The following CACNA1C variants were observed in gnomAD, a reference collection of about 807,000 sequenced individuals.
CACNA1C encodes voltage-dependent L-type calcium channel subunit alpha-1C.
CACNA1C carries 30 observed loss-of-function variants against 229.0 expected under a neutral mutation model. The ratio of observed to expected loss-of-function variants is 0.13; its 90% CI spans 0.10 to 0.18. CACNA1C has a LOEUF of 0.18. Ranked by LOEUF, CACNA1C falls within the 10% of genes least tolerant of loss-of-function variation. The pLI is 1.00. For missense variants in CACNA1C, 1,658 were observed against 2,845.0 expected, an observed-to-expected ratio of 0.58 and a Z score of 9.49; for synonymous variants, 1,114 against 1,132.5, an observed-to-expected ratio of 0.98 and a Z score of 0.33.
intron 3 of CACNA1C, among the ~76,000 whole-genome samples, chr12:2,264,511 G>T (rs570512977): frequency 6.6e-6 from 1 of 152,284 alleles, no homozygotes; most frequent in South Asian, 2.1e-4. Context: ...CATGACCTAG[G>T]GCAAATCACT....
intron 3 of CACNA1C, among the ~76,000 whole-genome samples, chr12:2,431,850 T>C (rs1414961895): frequency 6.6e-6 from 1 of 152,174 alleles, no homozygotes. Flanking sequence ...TGTAGGGACC[T>C]CCTGGGCACT....
At position 2,108,942 on chromosome 12, in the gene CACNA1C, A is replaced by T. The variant is rs2080401369; in HGVS notation, c.50-6282A>T. On this transcript the variant is annotated intron_variant, in intron 1 of 46. Coordinates refer to ENST00000399655, the MANE Select transcript of CACNA1C (RefSeq NM_000719.7). This position sits in a 1 kb window ranked among gnomAD's most constrained non-coding sequence, Gnocchi z 5.3. ...AGCAAGATGACAGACAGCAAGAGCC[A>T]AGTGGGCTTCTGGGTGACATGTTGG... is the stretch of plus-strand genomic sequence containing the variant. 6.6e-6 allele frequency among the ~76,000 whole-genome samples: 1 copy of T among 152,254 alleles called. No homozygotes were observed. The highest frequency in any genetic ancestry group is 1.9e-4 in the East Asian group (1 of 5,204).
chr12:2,214,059 G>A (rs891788942), intron 3 of CACNA1C, among the ~76,000 whole-genome samples: 2 of 152,212 alleles, frequency 1.3e-5, no homozygotes, highest in East Asian at 3.9e-4. Flanking sequence ...CTGAGAGTCA[G>A]TAACACCACC....
In CACNA1C at chr12:2,113,919, A is replaced by G. The variant is rs560101070; in HGVS notation, c.50-1305A>G. Among the ~76,000 whole-genome samples, 25 of 152,360 alleles carry G rather than the reference A, an allele frequency of 1.6e-4. 1 individual carries two copies. The East Asian group carries it at 3.5e-3, about 21-fold the overall frequency. On this transcript the variant is annotated intron_variant, in intron 1 of 46. Coordinates refer to ENST00000399655, the MANE Select transcript of CACNA1C (RefSeq NM_000719.7). ...CAGAGCAGGGCAGCTGTCCCTGCGC[A>G]GGTTGGAGCCCTGGGTTGCACTGGT...
At chr12:2,517,003 C>T (rs1332486386) in intron 9 of CACNA1C, among the ~76,000 whole-genome samples, 1 of 152,120 alleles carries the variant, frequency 6.6e-6, no homozygotes, top group African/African-American at 2.4e-5. Flanking sequence ...AGGGAAAGAA[C>T]CAGCAAACAG....
chr12:2,378,591 A>C (rs960134015), intron 3 of CACNA1C, among the ~76,000 whole-genome samples: 1 of 152,230 alleles, frequency 6.6e-6, no homozygotes, highest in Non-Finnish European at 1.5e-5. Context: ...ATTTAAAAAC[A>C]ATCATAAAAT....
chr12:2,502,943 T>C lies in CACNA1C; in HGVS notation c.1114-1899T>C, dbSNP rs185480729. 3.9e-5 allele frequency among the ~76,000 whole-genome samples: 6 copies of C among 152,234 alleles called. No individual in the cohort carries two copies. The East Asian group carries it at 1.2e-3, about 29-fold the overall frequency. ...GCAGACTGTGGGCCACCCTGAGATC[T>C]TGGGGGCATGGGGCAGGAATCTGCT... On this transcript the variant is annotated intron_variant, in intron 7 of 46. Transcript: ENST00000399655.
intron 3 of CACNA1C, among the ~76,000 whole-genome samples, chr12:2,220,159 G>A (rs543056673): frequency 1.3e-5 from 2 of 152,306 alleles, no homozygotes; most frequent in South Asian, 4.1e-4. Context: ...TGTACAGAAA[G>A]CATGTATATA....
intron 43 of CACNA1C, among the ~76,000 whole-genome samples, chr12:2,683,439 G>A (rs11062314): frequency 0.15 from 22,629 of 152,154 alleles, 3,209 homozygotes; most frequent in African/African-American, 0.37. Context: ...CAGTGTTTCC[G>A]AAGCTTTTCT....
chr12:2,139,860 G>T (rs1328889555), intron 3 of CACNA1C, among the ~76,000 whole-genome samples: 1 of 151,214 alleles, frequency 6.6e-6, no homozygotes, highest in Non-Finnish European at 1.5e-5. Flanking sequence ...GACACAGCGG[G>T]CCTCATGCGA....
At chr12:2,165,776 G>A (rs995126137) in intron 3 of CACNA1C, among the ~76,000 whole-genome samples, 6 of 152,034 alleles carry the variant, frequency 3.9e-5, no homozygotes, top group Non-Finnish European at 8.8e-5. Flanking sequence ...TCAAGTACTT[G>A]CAAAGGTTTC....
chr12:2,403,202 A>G lies in CACNA1C; in HGVS notation c.478-45774A>G, dbSNP rs1019856030. 6.6e-6 allele frequency among the ~76,000 whole-genome samples: 1 copy of G among 152,168 alleles called. No homozygotes were observed. The highest frequency in any genetic ancestry group is 2.4e-5 in the African/African-American group (1 of 41,426). ...TAACAGCCTTCATTCTTTTCCAACT[A>G]GTGTCTCGCTGCCCTGCCCCAAAAT... On this transcript the variant is annotated intron_variant, in intron 3 of 46. Transcript: ENST00000399655. The surrounding 1 kb of genome is among the most constrained non-coding windows in gnomAD (Gnocchi z 4.1).
chr12:2,677,913 T>C lies in CACNA1C; in HGVS notation c.5091+46T>C, dbSNP rs768290616. 1 of 1,606,536 alleles carries C rather than the reference T, an allele frequency of 6.2e-7. No homozygotes were observed. Among genetic ancestry groups the C allele is most frequent in the Non-Finnish European group, 8.5e-7 (1 of 1,174,210 alleles). ...CTCTCGACCCCTATAAAGTTCAGTT[T>C]GGAGCAAGAGGTTGGGCTGGGGTTT... On this transcript the variant is annotated intron_variant, in intron 41 of 46. Coordinates refer to ENST00000399655, the MANE Select transcript of CACNA1C (RefSeq NM_000719.7). This position sits in a 1 kb window ranked among gnomAD's most constrained non-coding sequence, Gnocchi z 7.4.
chr12:2,582,655 C>CAATAGGTCG (rs1348621608), intron 14 of CACNA1C, among the ~76,000 whole-genome samples, 167 bp from the exon 15 acceptor site: 6 of 152,102 alleles, frequency 3.9e-5, no homozygotes, highest in African/African-American at 1.4e-4. Context: ...AAGGACAGTT[C>CAATAGGTCG]AATAGCTCAG....
intron 9 of CACNA1C, among the ~76,000 whole-genome samples, chr12:2,526,300 C>T (rs896429402): frequency 1.3e-5 from 2 of 152,206 alleles, no homozygotes; most frequent in African/African-American, 4.8e-5. Context: ...GGGCTGTTGG[C>T]CCAAAGACAA....
intron 1 of CACNA1C, chr12:2,018,087 A>C (rs2429136): frequency 6.6e-6 from 1 of 152,132 alleles, no homozygotes; most frequent in African/African-American, 2.4e-5. Flanking sequence ...TAACAGAACA[A>C]TAAATCAAGC....
intron 13 of CACNA1C, among the ~76,000 whole-genome samples, chr12:2,570,709 T>C (rs2053884530): frequency 6.6e-6 from 1 of 151,990 alleles, no homozygotes; most frequent in African/African-American, 2.4e-5. Context: ...CATGAAGAGA[T>C]TAAAGGAAAA....
intron 3 of CACNA1C, among the ~76,000 whole-genome samples, chr12:2,358,244 C>T (rs868310446): frequency 2.9e-4 from 40 of 136,726 alleles, no homozygotes; most frequent in Middle Eastern, 3.8e-3. Flanking sequence ...AAAGAAGCGG[C>T]GTCCTCCTGT....
At chr12:2,496,216 A>G (rs976647728) in intron 7 of CACNA1C, among the ~76,000 whole-genome samples, 1 of 152,234 alleles carries the variant, frequency 6.6e-6, no homozygotes, top group African/African-American at 2.4e-5. Context: ...TGGAAATCTA[A>G]CCTGTTGAAC....
Sources: gnomAD v4.1 joint callset for allele counts (sites outside exome capture counted in the v4.1 genomes callset) on GRCh38, gnomAD v4.1.1 for gene constraint, Gnocchi (gnomAD v3.1) non-coding constraint, MANE v1.5 for transcripts, NCBI Gene and HGNC (gene_info 2026-07-23, HGNC 2026-07-21) for gene names.